The following BCL2 variants were observed in gnomAD, a reference collection of about 807,000 sequenced individuals.
The protein encoded by BCL2 is BCL2 apoptosis regulator.
Under a neutral mutation model 14.2 loss-of-function variants are expected in BCL2, and 1 was observed. The observed-to-expected ratio is 0.07, with a 90% CI of 0.02 to 0.33. The LOEUF (loss-of-function observed/expected upper bound fraction) is 0.33. Among genes scored for constraint, BCL2 ranks in the 10% least tolerant of loss-of-function variants. The probability of loss-of-function intolerance (pLI) is 0.99; values close to 1 mark genes in which losing one functional copy is unlikely to be tolerated. For missense variants in BCL2, 247 were observed against 305.9 expected (o/e 0.81, Z 1.44); for synonymous variants, 151 against 137.2 (o/e 1.10, Z -0.70).
chr18:63,160,205 T>C (rs1229606791), intron 2 of BCL2, among the ~76,000 whole-genome samples: 1 of 152,176 alleles, frequency 6.6e-6, no homozygotes, highest in East Asian at 1.9e-4. Context: ...GAAAGCCTAA[T>C]CATTAATCAT....
At chr18:63,216,731 G>GACGT (rs1209543827) in intron 2 of BCL2, among the ~76,000 whole-genome samples, 1 of 152,218 alleles carries the variant, frequency 6.6e-6, no homozygotes, top group Non-Finnish European at 1.5e-5. Flanking sequence ...GCACAGGAGA[G>GACGT]ACGTGCACCA....
At chr18:63,231,516 A>T (rs1431557941) in intron 2 of BCL2, among the ~76,000 whole-genome samples, 1 of 152,096 alleles carries the variant, frequency 6.6e-6, no homozygotes, top group Non-Finnish European at 1.5e-5. Context: ...CGCTGGAGAC[A>T]AGATTAATAT....
chr18:63,282,704 G>GT (rs1378178286), intron 2 of BCL2, among the ~76,000 whole-genome samples: 1 of 152,046 alleles, frequency 6.6e-6, no homozygotes, highest in Admixed American at 6.6e-5. Flanking sequence ...CTGAATCTTT[G>GT]TAATTAGACA....
intron 2 of BCL2, among the ~76,000 whole-genome samples, chr18:63,200,099 T>C (rs887235797): frequency 6.6e-6 from 1 of 152,188 alleles, no homozygotes; most frequent in Non-Finnish European, 1.5e-5. Flanking sequence ...TTGCCTTCGT[T>C]CTGCAGGAAG....
chr18:63,266,637 T>TCTCA (rs1491465885), intron 2 of BCL2, among the ~76,000 whole-genome samples: 164 of 85,996 alleles, frequency 1.9e-3, no homozygotes, highest in Non-Finnish European at 3.3e-3. Flanking sequence ...TCTCTCTCTC[T>TCTCA]CACACACACA....
At chr18:63,268,899 T>C (rs1410529244) in intron 2 of BCL2, among the ~76,000 whole-genome samples, 1 of 152,146 alleles carries the variant, frequency 6.6e-6, no homozygotes, top group Non-Finnish European at 1.5e-5. Context: ...ACCCAATCCA[T>C]GAAAGTATTA....
At chr18:63,223,793 A>G (rs2144165198) in intron 2 of BCL2, among the ~76,000 whole-genome samples, 1 of 152,356 alleles carries the variant, frequency 6.6e-6, no homozygotes, top group Admixed American at 6.5e-5. Context: ...TTCTACAGTG[A>G]TGCTCAGAGT....
intron 2 of BCL2, among the ~76,000 whole-genome samples, chr18:63,250,177 T>A (rs1437342413): frequency 6.6e-6 from 1 of 152,152 alleles, no homozygotes; most frequent in Non-Finnish European, 1.5e-5. Context: ...CATAGTAAAC[T>A]AGGAACTGCA....
At chr18:63,243,044 T>C (rs958010683) in intron 2 of BCL2, among the ~76,000 whole-genome samples, 3 of 152,168 alleles carry the variant, frequency 2.0e-5, no homozygotes, top group African/African-American at 7.2e-5. Context: ...TCACTGAATA[T>C]GAAGTGCAAA....
At chr18:63,211,826 C>G (rs1910015412) in intron 2 of BCL2, among the ~76,000 whole-genome samples, 1 of 152,218 alleles carries the variant, frequency 6.6e-6, no homozygotes, top group Admixed American at 6.5e-5. Context: ...CCTGCGGCAG[C>G]ACCAGCCTGA....
chr18:63,158,015 A>T (rs1432535873), intron 2 of BCL2, among the ~76,000 whole-genome samples: 1 of 152,096 alleles, frequency 6.6e-6, no homozygotes, highest in African/African-American at 2.4e-5. Context: ...CGTAGCAGGA[A>T]AAAGAAACTC....
intron 2 of BCL2, among the ~76,000 whole-genome samples, chr18:63,297,263 A>C (rs1912824878): frequency 6.6e-6 from 1 of 152,248 alleles, no homozygotes; most frequent in Admixed American, 6.5e-5. Flanking sequence ...TGTAATTTTA[A>C]ATTTTTAGTG....
intron 2 of BCL2, among the ~76,000 whole-genome samples, chr18:63,266,604 A>ATCTCTCTCTCTCTCTCTCTCTC (rs36078664): frequency 3.9e-4 from 55 of 141,542 alleles, no homozygotes; most frequent in African/African-American, 1.5e-3. Flanking sequence ...TGGAACATAA[A>ATCTCTCTCTCTCTCTCTCTCTC]TCTCTCTCTC....
At chr18:63,145,087 G>A (rs1017960965) in intron 2 of BCL2, among the ~76,000 whole-genome samples, 4 of 152,220 alleles carry the variant, frequency 2.6e-5, no homozygotes, top group Non-Finnish European at 5.9e-5. Flanking sequence ...TTACAGGGCT[G>A]CTTCACAGGG....
intron 2 of BCL2, among the ~76,000 whole-genome samples, chr18:63,278,012 C>T (rs1912206521): frequency 1.3e-5 from 2 of 152,176 alleles, no homozygotes; most frequent in South Asian, 4.1e-4. Flanking sequence ...CCATACCCAA[C>T]AAATGATGCT....
At position 63,123,427 on chromosome 18, in the gene BCL2, C is replaced by T. The variant is rs1913825195; in HGVS notation, c.*5198G>A. 1 of 198,930 alleles carries T rather than the reference C, an allele frequency of 5.0e-6. No homozygotes were observed. The highest frequency in any genetic ancestry group is 7.7e-5 in the East Asian group (1 of 12,980). 12.3% of individuals were successfully genotyped at this position (198,930 alleles called of 1,614,324 possible). On this transcript the variant is annotated 3_prime_UTR_variant, in exon 3 of 3. Coordinates refer to ENST00000333681, the MANE Select transcript of BCL2 (RefSeq NM_000633.3). ...AAGTTTAATGGCAATGTGACTTTTT[C>T]CAACAACACAAACAAAGTGCCATTA...
chr18:63,157,315 T>C (rs983312179), intron 2 of BCL2, among the ~76,000 whole-genome samples: 7 of 152,132 alleles, frequency 4.6e-5, no homozygotes, highest in African/African-American at 7.2e-5. Context: ...TACCTAATGC[T>C]CCCTTCCCAT....
At chr18:63,213,905 A>T (rs908205226) in intron 2 of BCL2, among the ~76,000 whole-genome samples, 1 of 152,168 alleles carries the variant, frequency 6.6e-6, no homozygotes, top group Non-Finnish European at 1.5e-5. Flanking sequence ...CTAGGTCCCA[A>T]AAAACAGTGT....
chr18:63,189,373 G>A (rs1264978742), intron 2 of BCL2, among the ~76,000 whole-genome samples: 1 of 152,032 alleles, frequency 6.6e-6, no homozygotes, highest in African/African-American at 2.4e-5. Context: ...GTTATCTTCT[G>A]TTGTTGCTTA....
Sources: allele counts gnomAD v4.1 joint callset (sites outside exome capture counted in the v4.1 genomes callset), GRCh38; gene constraint gnomAD v4.1.1; transcripts MANE v1.5; gene names NCBI Gene and HGNC (gene_info 2026-07-23, HGNC 2026-07-21).